The following LVRN variants were observed in gnomAD, a reference collection of about 807,000 sequenced individuals.
The protein encoded by LVRN is laeverin.
In LVRN, 99 loss-of-function variants were observed where a neutral mutation model predicts 111.4. The ratio of observed to expected loss-of-function variants is 0.89; its 90% CI spans 0.76 to 1.05. LVRN has a LOEUF of 1.05. LVRN is among the 50% of genes least tolerant of loss of function. The pLI is 0.00. For synonymous variants in LVRN, 488 were observed against 449.5 expected (o/e 1.09, Z -1.08); for missense variants, 1,414 against 1,206.8 (o/e 1.17, Z -2.54).
chr5:115,996,609 A>G (rs1343955855), intron 6 of LVRN, among the ~76,000 whole-genome samples: 2 of 152,050 alleles, frequency 1.3e-5, no homozygotes, highest in African/African-American at 4.8e-5. Context: ...CAGATTTACA[A>G]TTTTTTCTAT....
At chr5:116,014,558 T>A in intron 16 of LVRN, 31 bp downstream of exon 16, 1 of 1,561,706 alleles carries the variant, frequency 6.4e-7, no homozygotes, top group Non-Finnish European at 8.8e-7. Context: ...CCTCTTGTTT[T>A]TGTCCTATTT....
chr5:115,981,565 A>G (rs1380479735), intron 1 of LVRN, among the ~76,000 whole-genome samples: 1 of 152,186 alleles, frequency 6.6e-6, no homozygotes, highest in Non-Finnish European at 1.5e-5. Flanking sequence ...CCCCTCAAGC[A>G]TTTATCCTTT....
intron 12 of LVRN, among the ~76,000 whole-genome samples, chr5:116,005,543 A>G (rs886704588): frequency 4.6e-5 from 7 of 152,376 alleles, no homozygotes; most frequent in African/African-American, 1.7e-4. Context: ...CTTCTATGCC[A>G]AAAACATCCC....
At chr5:115,987,034 CT>C (rs201769044) in intron 3 of LVRN, among the ~76,000 whole-genome samples, 11,492 of 146,632 alleles carry the variant, frequency 0.078, 471 homozygotes, top group Non-Finnish European at 0.094. Context: ...AAATTACTTA[CT>C]TTTTTTTTTT....
intron 12 of LVRN, among the ~76,000 whole-genome samples, chr5:116,005,031 A>T (rs1214100617): frequency 6.6e-6 from 1 of 152,208 alleles, no homozygotes; most frequent in African/African-American, 2.4e-5. Context: ...TATAGTAATG[A>T]TTTATTGAAA....
intron 6 of LVRN, among the ~76,000 whole-genome samples, chr5:115,997,893 G>A (rs1197348407): frequency 6.6e-6 from 1 of 152,150 alleles, no homozygotes; most frequent in African/African-American, 2.4e-5. Flanking sequence ...CCTCTAGGGT[G>A]TTGAGGAAGA....
rs983564219 is a variant in LVRN at position 115,984,639 on chromosome 5, T to C, written c.908T>C (p.Met303Thr). 6.2e-7 allele frequency: 1 copy of C among 1,613,720 alleles called. No homozygotes were observed. Among genetic ancestry groups the C allele is most frequent in the East Asian group, 2.2e-5 (1 of 44,868 alleles). ...ACAACCTTTTCCACTACGCCCCACA[T>C]GCCAACTTACTTAGTCGCATTTGTT... ...TVTTFSTTPH[M>T]PTYLVAFVIC... is the part of the protein sequence containing the mutation. Residue 303 changes from methionine (M) to threonine (T), a missense_variant, in exon 3 of 20, where the codon ATG (methionine) becomes ACG (threonine). By Grantham distance (81) the Met-to-Thr change is moderately conservative. Transcript: ENST00000357872.
Position 115,984,814 on chromosome 5 carries a change from T to G in LVRN, c.978+105T>G, listed in dbSNP as rs1747816978. 7.6e-6 allele frequency: 11 copies of G among 1,447,380 alleles called. No homozygotes were observed. The East Asian group carries it at 2.1e-4, about 28-fold the overall frequency. 89.7% of individuals were successfully genotyped at this position (1,447,380 alleles called of 1,614,324 possible). On this transcript the variant is annotated intron_variant, in intron 3 of 19. Coordinates refer to ENST00000357872, the MANE Select transcript of LVRN (RefSeq NM_173800.5). ...TATGGCTGCATATCCCCAAATCGCT[T>G]CCTAGTTCTCTCTCCCAAGCCCTGT...
intron 1 of LVRN, among the ~76,000 whole-genome samples, chr5:115,966,493 ATCT>A (rs1473906769): frequency 1.3e-5 from 2 of 152,186 alleles, no homozygotes; most frequent in Non-Finnish European, 2.9e-5. Context: ...TTACAAATAA[ATCT>A]TCTATGAATA....
chr5:115,979,628 G>A (rs1753521439), intron 1 of LVRN, among the ~76,000 whole-genome samples: 1 of 152,044 alleles, frequency 6.6e-6, no homozygotes, highest in Admixed American at 6.6e-5. Context: ...ATTATGTTTT[G>A]TTGCCTGGTG....
chr5:116,009,678 A>C (rs914003829), intron 13 of LVRN, among the ~76,000 whole-genome samples: 2 of 152,200 alleles, frequency 1.3e-5, no homozygotes, highest in Non-Finnish European at 2.9e-5. Flanking sequence ...CTTCAGATAC[A>C]GTGGAAATAG....
chr5:116,018,805 G>T (rs770213659), intron 18 of LVRN, among the ~76,000 whole-genome samples: 7 of 152,126 alleles, frequency 4.6e-5, no homozygotes, highest in Admixed American at 2.6e-4. Flanking sequence ...TCCAGAAAAT[G>T]TTTAAATAAA....
intron 1 of LVRN, among the ~76,000 whole-genome samples, chr5:115,971,705 G>A (rs2112554646): frequency 6.6e-6 from 1 of 152,074 alleles, no homozygotes; most frequent in East Asian, 1.9e-4. Flanking sequence ...ATTCTGTATT[G>A]TCTTGATTCC....
intron 1 of LVRN, among the ~76,000 whole-genome samples, chr5:115,966,067 A>T (rs1055144194): frequency 1.3e-5 from 2 of 152,250 alleles, no homozygotes; most frequent in East Asian, 1.9e-4. Context: ...ATAGTACAAT[A>T]TCAAAATCAA....
chr5:115,984,443 C>A, intron 2 of LVRN, 127 bp from the exon 3 acceptor site: 4 of 1,180,602 alleles, frequency 3.4e-6, no homozygotes, highest in Non-Finnish European at 4.7e-6. Flanking sequence ...GTGGAGAAAT[C>A]TGAACTGCTA....
At chr5:115,964,898 A>C (rs894197297) in intron 1 of LVRN, among the ~76,000 whole-genome samples, 4 of 152,336 alleles carry the variant, frequency 2.6e-5, no homozygotes, top group African/African-American at 9.6e-5. Flanking sequence ...TCTGCTTCTG[A>C]AACCACAAGG....
intron 6 of LVRN, among the ~76,000 whole-genome samples, chr5:115,996,853 G>C (rs1748124007): frequency 6.6e-6 from 1 of 152,120 alleles, no homozygotes; most frequent in Admixed American, 6.5e-5. Context: ...GGTAAGCTGA[G>C]GCAGGCAGAT....
intron 4 of LVRN, among the ~76,000 whole-genome samples, chr5:115,989,242 A>C (rs78278633): frequency 0.033 from 5,099 of 152,230 alleles, 144 homozygotes; most frequent in Middle Eastern, 0.058. Flanking sequence ...GTCTTTATAA[A>C]GGTGCTTCTC....
chr5:115,965,266 C>T (rs1011043877), intron 1 of LVRN, among the ~76,000 whole-genome samples: 1 of 152,060 alleles, frequency 6.6e-6, no homozygotes, highest in African/African-American at 2.4e-5. Context: ...TAAGAAGATT[C>T]CCAGAGGAGA....
Sources: gnomAD v4.1 joint callset for allele counts (sites outside exome capture counted in the v4.1 genomes callset) on GRCh38, gnomAD v4.1.1 for gene constraint, MANE v1.5 for transcripts, NCBI Gene and HGNC (gene_info 2026-07-23, HGNC 2026-07-21) for gene names.